FAM216B: variants seen among roughly 807,000 people sequenced by gnomAD.
FAM216B encodes family with sequence similarity 216 member B, also known as protein FAM216B.
In FAM216B, 11 loss-of-function variants were observed where a neutral mutation model predicts 12.9. The ratio of observed to expected loss-of-function variants is 0.86; its 90% CI spans 0.54 to 1.42. The LOEUF is 1.42. Ranked by LOEUF, FAM216B falls within the 40% of genes most tolerant of loss-of-function variation. The pLI is 0.00. For synonymous variants in FAM216B, 52 were observed against 57.2 expected (o/e 0.91, Z 0.41); for missense variants, 167 against 162.9 (o/e 1.02, Z -0.14).
rs1194021108 is a variant in FAM216B at position 42,789,044 on chromosome 13, T to A, written c.*254T>A. On this transcript the variant is annotated 3_prime_UTR_variant, in exon 4 of 4. Coordinates refer to ENST00000313851, the MANE Select transcript of FAM216B (RefSeq NM_001318932.2). ...TTTTAAAGCTTTCAAAGTAAAAGTTTACTTTGGATTAGAACCTCCTAGAGA... is the reference window on the plus strand; with the variant it reads ...TTTTAAAGCTTTCAAAGTAAAAGTTAACTTTGGATTAGAACCTCCTAGAGA... The A allele has an allele frequency of 3.3e-6, 1 of 302,142 alleles. No individual in the cohort carries two copies. Among genetic ancestry groups the A allele is most frequent in the Non-Finnish European group, 6.2e-6 (1 of 161,174 alleles). The allele number at this position is 302,142 out of a possible 1,614,324, so 18.7% of individuals were successfully genotyped here. A position where few individuals can be genotyped will look rare whatever the true frequency, so the allele number is the denominator to read the frequency against.
At chr13:42,783,516 A>T (rs899502671) in intron 1 of FAM216B, among the ~76,000 whole-genome samples, 2 of 152,128 alleles carry the variant, frequency 1.3e-5, no homozygotes, top group African/African-American at 4.8e-5. Flanking sequence ...CCAAAATCCA[A>T]TATGCTCCAA....
In FAM216B at chr13:42,786,587, AAATG is replaced by A. The variant is rs1269172376; in HGVS notation, c.100-173_100-170del. ...CAGATTAGCAGAAGACTGTTTAAGC[AAATG>A]AAGAGAGGAAACTCCCCAGTTGTTA... On this transcript the variant is annotated intron_variant, in intron 2 of 3. Transcript: ENST00000313851. Among the ~76,000 whole-genome samples the A allele has an allele frequency of 4.6e-5, 7 of 152,288 alleles. No individual in the cohort carries two copies. The East Asian group carries it at 1.3e-3, about 29-fold the overall frequency.
chr13:42,783,045 C>T (rs1435569422), intron 1 of FAM216B, among the ~76,000 whole-genome samples: 1 of 152,168 alleles, frequency 6.6e-6, no homozygotes, highest in Non-Finnish European at 1.5e-5. Context: ...CATGGTGCCT[C>T]ATACCTGTAA....
chr13:42,791,365 CCTGTAGTACT>C lies in FAM216B; in HGVS notation c.*2576_*2585del, dbSNP rs1195683449. On this transcript the variant is annotated 3_prime_UTR_variant, in exon 4 of 4. Transcript: ENST00000313851. ...GGTGTCAGCTCATGTGTCTCCAGCC[CCTGTAGTACT>C]ATATATTATTGCATTTAAATGATGG... is the stretch of plus-strand genomic sequence containing the variant. 6.6e-6 allele frequency: 1 copy of C among 151,958 alleles called. No individual in the cohort carries two copies. Among genetic ancestry groups the C allele is most frequent in the Non-Finnish European group, 1.5e-5 (1 of 67,996 alleles). 9.4% of individuals were successfully genotyped at this position (151,958 alleles called of 1,614,324 possible).
In FAM216B at chr13:42,791,164, T is replaced by C. The variant is rs752589456; in HGVS notation, c.*2374T>C. 5.9e-5 allele frequency: 9 copies of C among 152,344 alleles called. No individual in the cohort carries two copies. Among genetic ancestry groups the C allele is most frequent in the Non-Finnish European group, 1.2e-4 (8 of 68,026 alleles). The allele number at this position is 152,344 out of a possible 1,614,324, so 9.4% of individuals were successfully genotyped here. ...GTGATAAAGTATTCATCCCCCAAAATATTTTATTGAACTAGGTTCTAAACA... is the reference window on the plus strand; with the variant it reads ...GTGATAAAGTATTCATCCCCCAAAACATTTTATTGAACTAGGTTCTAAACA... On this transcript the variant is annotated 3_prime_UTR_variant, in exon 4 of 4. Transcript: ENST00000313851.
intron 1 of FAM216B, among the ~76,000 whole-genome samples, chr13:42,783,599 T>C (rs9594809): frequency 0.27 from 41,594 of 151,866 alleles, 5,684 homozygotes; most frequent in African/African-American, 0.33. Context: ...TTTTGGGCTT[T>C]TAGATTTGGG....
chr13:42,784,304 C>T (rs1873985251), intron 2 of FAM216B, 138 bp downstream of exon 2: 1 of 594,246 alleles, frequency 1.7e-6, no homozygotes, highest in Non-Finnish European at 2.8e-6. Flanking sequence ...GCCCTTGCTG[C>T]ATGTTGAAGG....
Position 42,786,323 on chromosome 13 carries a change from T to C in FAM216B, c.100-440T>C, listed in dbSNP as rs116440278. ...TGTTTTCATGGCACCTTTTTACTAA[T>C]GATATAATGAACCCTTACCACATTA... On this transcript the variant is annotated intron_variant, in intron 2 of 3. Coordinates refer to ENST00000313851, the MANE Select transcript of FAM216B (RefSeq NM_001318932.2). 5.6e-3 allele frequency among the ~76,000 whole-genome samples: 819 copies of C among 147,138 alleles called. 12 individuals are homozygous for C. The highest frequency in any genetic ancestry group is 0.019 in the African/African-American group (774 of 40,256).
chr13:42,786,711 A>C (rs1289743371), intron 2 of FAM216B, 52 bp from the exon 3 acceptor site: 1 of 1,554,352 alleles, frequency 6.4e-7, no homozygotes, highest in East Asian at 2.3e-5. Context: ...TCACAATTTG[A>C]ATGCTGTGGA....
chr13:42,784,202 GA>G, intron 2 of FAM216B, 36 bp downstream of exon 2: 1 of 1,089,392 alleles, frequency 9.2e-7, no homozygotes, highest in South Asian at 1.6e-5. Context: ...TTCACAGATA[GA>G]GTGACCTGTC....
At chr13:42,787,391 CAG>C (rs1046248667) in intron 3 of FAM216B, among the ~76,000 whole-genome samples, 1 of 152,038 alleles carries the variant, frequency 6.6e-6, no homozygotes, top group African/African-American at 2.4e-5. Context: ...AGATCACACA[CAG>C]GTAATAAATG....
chr13:42,787,096 G>C (rs1424793879), intron 3 of FAM216B, among the ~76,000 whole-genome samples: 2 of 152,186 alleles, frequency 1.3e-5, no homozygotes, highest in East Asian at 3.8e-4. Flanking sequence ...AGAAATTCGA[G>C]TATGGATTGT....
In FAM216B at chr13:42,790,872, CTT is replaced by C. The variant is rs1874291152; in HGVS notation, c.*2084_*2085del. The C allele has an allele frequency of 6.6e-6, 1 of 152,162 alleles. No individual in the cohort carries two copies. The highest frequency in any genetic ancestry group is 6.5e-5 in the Admixed American group (1 of 15,268). The allele number at this position is 152,162 out of a possible 1,614,324, so 9.4% of individuals were successfully genotyped here. Reference sequence around the variant, plus strand: ...GTTGCGGTAGGCAATCAATAATACTCTTTGAATAATAATGAGGTTTTCAAAGA... The same window carrying C: ...GTTGCGGTAGGCAATCAATAATACTCTGAATAATAATGAGGTTTTCAAAGA... On this transcript the variant is annotated 3_prime_UTR_variant, in exon 4 of 4. Transcript: ENST00000313851.
At chr13:42,787,904 A>C (rs1874153057) in intron 3 of FAM216B, among the ~76,000 whole-genome samples, 2 of 152,226 alleles carry the variant, frequency 1.3e-5, no homozygotes, top group Non-Finnish European at 2.9e-5. Context: ...TTTACAGAAG[A>C]GAAAACTAAA....
chr13:42,786,668 G>A (rs528076141), intron 2 of FAM216B, 95 bp from the exon 3 acceptor site: 16 of 1,377,730 alleles, frequency 1.2e-5, no homozygotes, highest in Non-Finnish European at 1.5e-5. Context: ...AGCAAGAAAA[G>A]CCTCTTATTT....
At position 42,791,511 on chromosome 13, in the gene FAM216B, A is replaced by G. The variant is rs979475404; in HGVS notation, c.*2721A>G. 2 of 152,190 alleles carry G rather than the reference A, an allele frequency of 1.3e-5. No individual in the cohort carries two copies. Among genetic ancestry groups the G allele is most frequent in the African/African-American group, 2.4e-5 (1 of 41,458 alleles). The allele number at this position is 152,190 out of a possible 1,614,324, so 9.4% of individuals were successfully genotyped here. On this transcript the variant is annotated 3_prime_UTR_variant, in exon 4 of 4. Coordinates refer to ENST00000313851, the MANE Select transcript of FAM216B (RefSeq NM_001318932.2). ...TTTAGAGTTTTTTAAAACAATTTTT[A>G]TGTATAATTTATATGCAATAAATGC...
rs71202236 is a variant in FAM216B, at chr13:42,784,173, C to CTTTTTTTTTT, written c.99+18_99+27dup. ...TGACACTTCCTTACTAAAGGTATGG[C>CTTTTTTTTTT]TTTTTTTTTTTTTTTTTTTTCACAG... On this transcript the variant is annotated splice_region_variant and intron_variant, in intron 2 of 3. Transcript: ENST00000313851. 42 of 752,766 alleles carry CTTTTTTTTTT rather than the reference C, an allele frequency of 5.6e-5. 2 individuals carry two copies. Among genetic ancestry groups the CTTTTTTTTTT allele is most frequent in the African/African-American group, 2.8e-4 (10 of 35,914 alleles). The allele number at this position is 752,766 out of a possible 1,614,324, so 46.6% of individuals were successfully genotyped here. A position where few individuals can be genotyped will look rare whatever the true frequency, so the allele number is the denominator to read the frequency against.
chr13:42,783,318 A>G (rs1045681447), intron 1 of FAM216B, among the ~76,000 whole-genome samples: 2 of 152,252 alleles, frequency 1.3e-5, no homozygotes, highest in Non-Finnish European at 2.9e-5. Flanking sequence ...AAAAAAACAT[A>G]TAAATAAATA....
chr13:42,789,242 G>T lies in FAM216B; in HGVS notation c.*452G>T, dbSNP rs576845924. Reference sequence around the variant, plus strand: ...AATCATATCATCCCAGCAACAATTGGCCTGTGCATTTCCTTCCTCTCCTCT... The same window carrying T: ...AATCATATCATCCCAGCAACAATTGTCCTGTGCATTTCCTTCCTCTCCTCT... On this transcript the variant is annotated 3_prime_UTR_variant, in exon 4 of 4. Coordinates refer to ENST00000313851, the MANE Select transcript of FAM216B (RefSeq NM_001318932.2). 6.5e-6 allele frequency: 1 copy of T among 153,062 alleles called. No homozygotes were observed. Among genetic ancestry groups the T allele is most frequent in the Admixed American group, 6.5e-5 (1 of 15,410 alleles). The allele number at this position is 153,062 out of a possible 1,614,324, so 9.5% of individuals were successfully genotyped here.
Sources: allele counts gnomAD v4.1 joint callset (sites outside exome capture counted in the v4.1 genomes callset), GRCh38; gene constraint gnomAD v4.1.1; transcripts MANE v1.5; gene names NCBI Gene and HGNC (gene_info 2026-07-23, HGNC 2026-07-21).